Variants in WDR5 observed in about 807,000 individuals in gnomAD.
WDR5 encodes the protein WD repeat-containing protein 5.
For synonymous variants in WDR5, 144 were observed against 161.6 expected (o/e 0.89, Z 0.83); for missense variants, 187 against 416.9 (o/e 0.45, Z 4.80).
At chr9:134,140,608 T>C in intron 2 of WDR5, 95 bp from the exon 3 acceptor site, 1 of 1,005,256 alleles carries the variant, frequency 9.9e-7, no homozygotes, top group South Asian at 1.3e-5. Flanking sequence ...TCTAAAGATC[T>C]GAGCTGAAAT....
In WDR5 at chr9:134,142,756, A is replaced by G. The variant is rs770607748; in HGVS notation, c.528+37A>G. 7.4e-5 allele frequency: 119 copies of G among 1,603,894 alleles called. 5 individuals carry two copies. In the South Asian group the frequency reaches 1.3e-3, roughly 18 times the overall value. On this transcript the variant is annotated intron_variant, in intron 7 of 13. Transcript: ENST00000358625. ...TGACACGGATGGGGTGGTGTCCAGC[A>G]CTACGTTTCTCTGACATCGGATGTG...
At chr9:134,139,303 A>C (rs891677550) in intron 1 of WDR5, among the ~76,000 whole-genome samples, 1 of 152,190 alleles carries the variant, frequency 6.6e-6, no homozygotes, top group Non-Finnish European at 1.5e-5. Context: ...GAGCCCCCCC[A>C]TGAGGCGTAG....
chr9:134,154,468 G>A lies in WDR5; in HGVS notation c.634G>A (p.Asp212Asn). ...SGQCLKTLID[D>N]DNPPVSFVKF... is the part of the protein sequence containing the mutation. The stretch of plus-strand genomic sequence containing the variant: ...TCACCTGTCCGTTTTTATTGCAGAT[G>A]ACGACAACCCCCCCGTGTCTTTTGT... Residue 212 changes from aspartate to asparagine, a missense_variant and splice_region_variant, in exon 10 of 14, where the codon GAC (aspartate) becomes AAC (asparagine). Physicochemically the swap from Asp to Asn is conservative, Grantham distance 23. Coordinates refer to ENST00000358625, the MANE Select transcript of WDR5 (RefSeq NM_017588.3). The A allele has an allele frequency of 6.2e-7, 1 of 1,614,162 alleles. No individual in the cohort carries two copies. The highest frequency in any genetic ancestry group is 8.5e-7 in the Non-Finnish European group (1 of 1,180,010).
chr9:134,156,969 G>A (rs368671306), intron 13 of WDR5, among the ~76,000 whole-genome samples: 5 of 152,260 alleles, frequency 3.3e-5, no homozygotes, highest in South Asian at 2.1e-4. Flanking sequence ...GGCTCCTTTC[G>A]GGTACCTGTT....
intron 7 of WDR5, 103 bp downstream of exon 7, chr9:134,142,822 T>A: frequency 8.6e-7 from 1 of 1,168,878 alleles, no homozygotes; most frequent in Admixed American, 1.8e-5. Flanking sequence ...GGCCATGGCC[T>A]GTGCCTAGCT....
chr9:134,152,395 T>C (rs766622961), intron 9 of WDR5, among the ~76,000 whole-genome samples: 1 of 152,104 alleles, frequency 6.6e-6, no homozygotes, highest in African/African-American at 2.4e-5. Context: ...ACCGGCTGAG[T>C]GCCTGCCCAT....
In WDR5 at chr9:134,159,223, A is replaced by G. The variant is rs1486362799; in HGVS notation, c.*1230A>G. ...CTGAAACCTGAACCTGCCCATGGAG[A>G]CAGTTGTGGTGAGGGTTGCCACACA... On this transcript the variant is annotated 3_prime_UTR_variant, in exon 14 of 14. Transcript: ENST00000358625. This position sits in a 1 kb window ranked among gnomAD's most constrained non-coding sequence, Gnocchi z 4.3. 2 of 152,438 alleles carry G rather than the reference A, an allele frequency of 1.3e-5. No individual in the cohort carries two copies. Among genetic ancestry groups the G allele is most frequent in the Non-Finnish European group, 2.9e-5 (2 of 68,220 alleles). The allele number at this position is 152,438 out of a possible 1,614,324, so 9.4% of individuals were successfully genotyped here.
chr9:134,143,213 G>A (rs535402939), intron 7 of WDR5, among the ~76,000 whole-genome samples: 3 of 152,316 alleles, frequency 2.0e-5, no homozygotes, highest in East Asian at 1.9e-4. Context: ...ACAGGGACAC[G>A]TCCTGCCATT....
intron 9 of WDR5, 32 bp downstream of exon 9, chr9:134,152,061 G>T: frequency 6.2e-7 from 1 of 1,610,764 alleles, no homozygotes; most frequent in African/African-American, 1.3e-5. Context: ...GGCTGGGTCT[G>T]TGGGGAGGGC....
In WDR5 at chr9:134,140,036, A is replaced by G; in HGVS notation, c.81+78A>G. Reference sequence around the variant, plus strand: ...AGTCTCGGAAACATCTCAAGCTCATAAGCCTAGTCTTCCCTACTCAGTTAA... The same window carrying G: ...AGTCTCGGAAACATCTCAAGCTCATGAGCCTAGTCTTCCCTACTCAGTTAA... On this transcript the variant is annotated intron_variant, in intron 2 of 13. Coordinates refer to ENST00000358625, the MANE Select transcript of WDR5 (RefSeq NM_017588.3). 2.0e-6 allele frequency: 3 copies of G among 1,514,272 alleles called. No homozygotes were observed. The East Asian group carries it at 6.9e-5, about 35-fold the overall frequency. 93.8% of individuals were successfully genotyped at this position (1,514,272 alleles called of 1,614,324 possible). A position where few individuals can be genotyped will look rare whatever the true frequency, so the allele number is the denominator to read the frequency against.
chr9:134,153,634 G>A (rs1193756407), intron 9 of WDR5, among the ~76,000 whole-genome samples: 1 of 152,238 alleles, frequency 6.6e-6, no homozygotes, highest in Non-Finnish European at 1.5e-5. Flanking sequence ...CCGGGCTGAG[G>A]GAGCGGAGAC....
chr9:134,142,075 G>A (rs768516040), intron 5 of WDR5, 37 bp downstream of exon 5: 8 of 1,593,930 alleles, frequency 5.0e-6, no homozygotes, highest in Admixed American at 5.0e-5. Context: ...AGGGGAGACC[G>A]GCTGCAGGGC....
intron 7 of WDR5, among the ~76,000 whole-genome samples, chr9:134,146,455 C>G (rs892581193): frequency 1.3e-5 from 2 of 152,182 alleles, no homozygotes; most frequent in South Asian, 2.1e-4. Context: ...AGGCTGGTCT[C>G]GAATTCCTGG....
At position 134,139,843 on chromosome 9, in the gene WDR5, C is replaced by G. The variant is rs1270019648; in HGVS notation, c.-35C>G. 1 of 1,612,564 alleles carries G rather than the reference C, an allele frequency of 6.2e-7. No individual in the cohort carries two copies. The highest frequency in any genetic ancestry group is 8.5e-7 in the Non-Finnish European group (1 of 1,179,226). On this transcript the variant is annotated 5_prime_UTR_variant, in exon 2 of 14. Transcript: ENST00000358625. ...AGACTGCCTCTGTCACCGGGTCCCT[C>G]CACCCTTGTCTCCTGTGCGGCCAGC...
At position 134,141,984 on chromosome 9, in the gene WDR5, CCTT is replaced by C. The variant is rs766698031; in HGVS notation, c.304_306del (p.Leu102del). On this transcript the variant is annotated inframe_deletion, in exon 5 of 14. Transcript: ENST00000358625. ...ATGTAGCCTGGTCGTCAGATTCTAACCTTCTTGTTTCTGCCTCAGATGACAAAA... is the reference window on the plus strand; with the variant it reads ...ATGTAGCCTGGTCGTCAGATTCTAACCTTGTTTCTGCCTCAGATGACAAAA... 4.3e-6 allele frequency: 7 copies of C among 1,614,208 alleles called. No homozygotes were observed. The highest frequency in any genetic ancestry group is 1.1e-5 in the South Asian group (1 of 91,088).
Position 134,145,096 on chromosome 9 carries a change from G to GTTTTTTGTTTTTTTTTTTT in WDR5, c.528+2383_528+2384insGTTTTTTTTTTTTTTTTTT, listed in dbSNP as rs1316019740. ...ACTGCAGAGAGGTTTGTGGGGCTTT[G>GTTTTTTGTTTTTTTTTTTT]TTTTTTTTTTTTTTTTTTTTGAAAC... On this transcript the variant is annotated intron_variant, in intron 7 of 13. Coordinates refer to ENST00000358625, the MANE Select transcript of WDR5 (RefSeq NM_017588.3). Among the ~76,000 whole-genome samples the GTTTTTTGTTTTTTTTTTTT allele has an allele frequency of 1.1e-3, 120 of 104,696 alleles. 6 individuals carry two copies. Among genetic ancestry groups the GTTTTTTGTTTTTTTTTTTT allele is most frequent in the South Asian group, 2.1e-3 (6 of 2,830 alleles). The allele number at this position is 104,696 out of a possible 152,430, so 68.7% of individuals were successfully genotyped here.
chr9:134,137,672 A>C (rs951073140), intron 1 of WDR5, among the ~76,000 whole-genome samples: 1 of 143,298 alleles, frequency 7.0e-6, no homozygotes, highest in Non-Finnish European at 1.5e-5. Context: ...TGTCTCAAAA[A>C]AAAAACAAAA....
At chr9:134,138,737 A>G (rs1192691651) in intron 1 of WDR5, among the ~76,000 whole-genome samples, 2 of 152,186 alleles carry the variant, frequency 1.3e-5, no homozygotes, top group African/African-American at 4.8e-5. Flanking sequence ...ACTTTGAGAC[A>G]TGCTTTTTAA....
intron 10 of WDR5, 87 bp from the exon 11 acceptor site, chr9:134,155,253 G>A (rs1832694729): frequency 7.0e-7 from 1 of 1,433,580 alleles, no homozygotes; most frequent in Non-Finnish European, 9.3e-7. Context: ...CGCTGATGGT[G>A]GCTGTGACGT....
Sources: gnomAD v4.1 joint callset for allele counts (sites outside exome capture counted in the v4.1 genomes callset) on GRCh38, gnomAD v4.1.1 for gene constraint, Gnocchi (gnomAD v3.1) non-coding constraint, MANE v1.5 for transcripts, NCBI Gene and HGNC (gene_info 2026-07-23, HGNC 2026-07-21) for gene names.